The following JAK3 variants were observed in gnomAD, a reference collection of about 807,000 sequenced individuals.
The protein encoded by JAK3 is Janus kinase 3.
In JAK3, 88 loss-of-function variants were observed where a neutral mutation model predicts 120.8. The observed-to-expected ratio is 0.73, with a 90% CI of 0.61 to 0.87. The LOEUF (loss-of-function observed/expected upper bound fraction) is 0.87, where lower values mean the gene tolerates loss of function less well. JAK3 is among the 40% of genes least tolerant of loss of function. The probability of loss-of-function intolerance (pLI) is 0.00; values close to 1 mark genes in which losing one functional copy is unlikely to be tolerated. For missense variants in JAK3, 1,254 were observed against 1,501.4 expected (o/e 0.84, Z 2.72); for synonymous variants, 592 against 628.6 (o/e 0.94, Z 0.87).
Position 17,843,343 on chromosome 19 carries a change from C to G in JAK3, c.420+37G>C. On this transcript the variant is annotated intron_variant, in intron 4 of 23. Coordinates refer to ENST00000458235, the MANE Select transcript of JAK3 (RefSeq NM_000215.4). This position sits in a 1 kb window ranked among gnomAD's most constrained non-coding sequence, Gnocchi z 5.4. ...CAGTCCTCATGTTGCCCCTTGGACC[C>G]CCAACCCCCTGGGTCAAACCCCAGG... 6.5e-7 allele frequency: 1 copy of G among 1,538,610 alleles called. No homozygotes were observed.
In JAK3 at chr19:17,836,604, T is replaced by G. The variant is rs3212761; in HGVS notation, c.1786+525A>C. On this transcript the variant is annotated intron_variant, in intron 13 of 23. Transcript: ENST00000458235. ...CTCACTTCTAACCCTTTGCATATTC[T>G]GTGTCCTCTGCCTAGAACACCCCTC... 5.9e-3 allele frequency: 2,182 copies of G among 366,842 alleles called. 41 individuals are homozygous for G. Among genetic ancestry groups the G allele is most frequent in the African/African-American group, 0.041 (2,015 of 49,350 alleles). 22.7% of individuals were successfully genotyped at this position (366,842 alleles called of 1,614,324 possible).
At position 17,841,192 on chromosome 19, in the gene JAK3, CAG is replaced by C. The variant is rs141033733; in HGVS notation, c.1142+195_1142+196del. ...CATCTCCAGGAAATGGCCCTGGGGT[CAG>C]AGAGAGAGAGAGTAGTGGTCGCCCT... is the stretch of plus-strand genomic sequence containing the variant. On this transcript the variant is annotated intron_variant, in intron 8 of 23. Coordinates refer to ENST00000458235, the MANE Select transcript of JAK3 (RefSeq NM_000215.4). This position sits in a 1 kb window ranked among gnomAD's most constrained non-coding sequence, Gnocchi z 4.1. Among the ~76,000 whole-genome samples the C allele has an allele frequency of 1.9e-4, 29 of 150,346 alleles. No individual in the cohort carries two copies. Among genetic ancestry groups the C allele is most frequent in the Admixed American group, 2.6e-4 (4 of 15,104 alleles).
chr19:17,834,230 C>T (rs1340176612), intron 17 of JAK3, among the ~76,000 whole-genome samples: 1 of 151,968 alleles, frequency 6.6e-6, no homozygotes, highest in Non-Finnish European at 1.5e-5. Flanking sequence ...CACTGTAATC[C>T]CAGCTACTCA....
chr19:17,843,701 C>T lies in JAK3; in HGVS notation c.308+76G>A. 1 of 1,553,742 alleles carries T rather than the reference C, an allele frequency of 6.4e-7. No individual in the cohort carries two copies. Among genetic ancestry groups the T allele is most frequent in the Non-Finnish European group, 8.9e-7 (1 of 1,126,686 alleles). ...GGGTAGTGACCATACCTCCCTGGGG[C>T]AGGGGTGTGGGCACCTCGAAATGCA... On this transcript the variant is annotated intron_variant, in intron 3 of 23. Coordinates refer to ENST00000458235, the MANE Select transcript of JAK3 (RefSeq NM_000215.4). The surrounding 1 kb of genome is among the most constrained non-coding windows in gnomAD (Gnocchi z 5.4).
In JAK3 at chr19:17,831,239, G is replaced by A. The variant is rs752545659; in HGVS notation, c.2967C>T (p.Ser989=). 1.2e-6 allele frequency: 2 copies of A among 1,612,490 alleles called. No homozygotes were observed. The highest frequency in any genetic ancestry group is 1.7e-6 in the Non-Finnish European group (2 of 1,179,704). Residue 989 remains serine (S), a synonymous_variant, in exon 21 of 24, where the codon AGC becomes AGT. Coordinates refer to ENST00000458235, the MANE Select transcript of JAK3 (RefSeq NM_000215.4). This position sits in a 1 kb window ranked among gnomAD's most constrained non-coding sequence, Gnocchi z 5.1. ...CGCGGGTTCCCCACCAGAAAATGGG[G>A]CTCTGGCCTGGCTCGCGGACCACGT... ...DYYVVREPGQ[S]PIFWYAPESL...
intron 1 of JAK3, among the ~76,000 whole-genome samples, chr19:17,847,270 G>T (rs888500580): frequency 6.6e-6 from 1 of 152,120 alleles, no homozygotes; most frequent in African/African-American, 2.4e-5. Context: ...GGGGGCTGAG[G>T]CAGCAGGATA....
Position 17,842,942 on chromosome 19 carries a change from A to G in JAK3, c.566+85T>C. 6.4e-7 allele frequency: 1 copy of G among 1,570,046 alleles called. No homozygotes were observed. ...CCCTGAAAGCTTGCAGGAGAACTCC[A>G]TGGTGGGAGCCCGGCAAAGCCCCGA... is the stretch of plus-strand genomic sequence containing the variant. On this transcript the variant is annotated intron_variant, in intron 5 of 23. Coordinates refer to ENST00000458235, the MANE Select transcript of JAK3 (RefSeq NM_000215.4). This position sits in a 1 kb window ranked among gnomAD's most constrained non-coding sequence, Gnocchi z 6.4.
In JAK3 at chr19:17,831,697, G is replaced by C. The variant is rs2147676716; in HGVS notation, c.2782C>G (p.Leu928Val). 1 of 1,610,026 alleles carries C rather than the reference G, an allele frequency of 6.2e-7. No homozygotes were observed. Among genetic ancestry groups the C allele is most frequent in the Non-Finnish European group, 8.5e-7 (1 of 1,178,824 alleles). ...RARLDASRLL[L>V]YSSQICKGME... Reference sequence around the variant, plus strand: ...ACCTTGCAGATCTGCGAGGAATAGAGAAGGAGGCGGCTGGCATCGAGGCGC... The same window carrying C: ...ACCTTGCAGATCTGCGAGGAATAGACAAGGAGGCGGCTGGCATCGAGGCGC... Residue 928 changes from leucine (L) to valine (V), a missense_variant, in exon 20 of 24, where the codon CTC (leucine) becomes GTC (valine). Transcript: ENST00000458235. The surrounding 1 kb of genome is among the most constrained non-coding windows in gnomAD (Gnocchi z 5.1).
chr19:17,839,423 T>C (rs2094232105), intron 10 of JAK3, 54 bp downstream of exon 10: 3 of 1,515,084 alleles, frequency 2.0e-6, no homozygotes, highest in South Asian at 2.4e-5. Context: ...GTCACAGACA[T>C]AGAAAGCCAG....
chr19:17,842,964 C>G lies in JAK3; in HGVS notation c.566+63G>C. On this transcript the variant is annotated intron_variant, in intron 5 of 23. Transcript: ENST00000458235. The surrounding 1 kb of genome is among the most constrained non-coding windows in gnomAD (Gnocchi z 6.4). The stretch of plus-strand genomic sequence containing the variant: ...TCCATGGTGGGAGCCCGGCAAAGCC[C>G]CGATGGAGCCCACGTTGCTCACTCC... 2 of 1,596,926 alleles carry G rather than the reference C, an allele frequency of 1.3e-6. No homozygotes were observed. Among genetic ancestry groups the G allele is most frequent in the South Asian group, 2.2e-5 (2 of 90,860 alleles).
In JAK3 at chr19:17,830,541, G is replaced by A. The variant is rs1178869666; in HGVS notation, c.3058C>T (p.Leu1020Phe). ...CAGCTTTTGTCGCAGTAGGTGAAGA[G>A]CTCGTACAGGACGACCCCGAAGCTC... Reference protein sequence around the residue: ...VWSFGVVLYELFTYCDKSCSP... With the variant: ...VWSFGVVLYEFFTYCDKSCSP... The change falls in exon 22 of 24, where the codon CTC becomes TTC. Residue 1020 changes from leucine to phenylalanine, a missense_variant. This residue lies in a region of JAK3 where 630 missense variants were observed against 819.8 expected (regional missense o/e 0.77). Coordinates refer to ENST00000458235, the MANE Select transcript of JAK3 (RefSeq NM_000215.4). The A allele has an allele frequency of 6.2e-7, 1 of 1,613,732 alleles. No individual in the cohort carries two copies. The highest frequency in any genetic ancestry group is 8.5e-7 in the Non-Finnish European group (1 of 1,179,834).
In JAK3 at chr19:17,832,737, C is replaced by T. The variant is rs1290931281; in HGVS notation, c.2491-29G>A. 7 of 1,614,070 alleles carry T rather than the reference C, an allele frequency of 4.3e-6. No homozygotes were observed. The highest frequency in any genetic ancestry group is 5.9e-6 in the Non-Finnish European group (7 of 1,180,000). ...GGGGATAGCGGGACTGATGTCCAGG[C>T]ACCTGGATGCTGCCCTGCCCTCTCC... On this transcript the variant is annotated intron_variant, in intron 18 of 23. Coordinates refer to ENST00000458235, the MANE Select transcript of JAK3 (RefSeq NM_000215.4). This position sits in a 1 kb window ranked among gnomAD's most constrained non-coding sequence, Gnocchi z 4.7.
At chr19:17,834,114 G>C (rs2094219442) in intron 17 of JAK3, among the ~76,000 whole-genome samples, 2 of 152,122 alleles carry the variant, frequency 1.3e-5, no homozygotes, top group Admixed American at 1.3e-4. Flanking sequence ...TTAGGAGGTA[G>C]AGGTGGGCGG....
intron 1 of JAK3, 54 bp downstream of exon 1, chr19:17,847,892 C>T (rs2094256087): frequency 4.5e-6 from 4 of 880,826 alleles, no homozygotes; most frequent in African/African-American, 1.8e-5. Context: ...TCCCCCGCCA[C>T]CACCATCCTC....
intron 8 of JAK3, 28 bp from the exon 9 acceptor site, chr19:17,840,369 G>T: frequency 6.9e-7 from 1 of 1,455,342 alleles, no homozygotes; most frequent in Non-Finnish European, 9.6e-7. Context: ...AGGGAATGGG[G>T]AGGAGTCAGA....
chr19:17,827,710 T>C (rs1421595550), intron 23 of JAK3, among the ~76,000 whole-genome samples: 5 of 95,218 alleles, frequency 5.3e-5, no homozygotes, highest in South Asian at 7.5e-4. Flanking sequence ...AGAAACCCCA[T>C]CTTAACTAAA....
intron 12 of JAK3, 54 bp downstream of exon 12, chr19:17,837,878 G>C (rs915776383): frequency 6.2e-7 from 1 of 1,611,500 alleles, no homozygotes; most frequent in Admixed American, 1.7e-5. Context: ...CTGCATCCAC[G>C]ACCCCCTCTC....
chr19:17,835,435 C>T (rs1697846919), intron 14 of JAK3, among the ~76,000 whole-genome samples: 1 of 152,182 alleles, frequency 6.6e-6, no homozygotes, highest in Non-Finnish European at 1.5e-5. Flanking sequence ...TCCTGTGACT[C>T]CCCAGTGCCT....
intron 10 of JAK3, chr19:17,839,130 A>T (rs2094231445): frequency 2.4e-6 from 1 of 416,626 alleles, no homozygotes; most frequent in Non-Finnish European, 4.7e-6. Context: ...CACTGTGGAC[A>T]ACCAGGGATC....
Sources: allele counts gnomAD v4.1 joint callset (sites outside exome capture counted in the v4.1 genomes callset), GRCh38; gene constraint gnomAD v4.1.1; regional missense constraint gnomAD v4.1.1; non-coding constraint Gnocchi (gnomAD v3.1); transcripts MANE v1.5; gene names NCBI Gene and HGNC (gene_info 2026-07-23, HGNC 2026-07-21).